Variants in JMJD1C observed in about 807,000 individuals in gnomAD.
The protein encoded by JMJD1C is jumonji domain containing 1C, also known as jumonji domain-containing protein 1C.
Under a neutral mutation model 245.3 loss-of-function variants are expected in JMJD1C, and 31 were observed. The observed-to-expected ratio is 0.13, with a 90% CI of 0.09 to 0.17. The LOEUF is 0.17. Ranked by LOEUF, JMJD1C falls within the 10% of genes least tolerant of loss-of-function variation. The pLI, the probability that JMJD1C is intolerant of heterozygous loss-of-function variation, is 1.00. For synonymous variants in JMJD1C, 1,057 were observed against 1,017.4 expected (o/e 1.04, Z -0.74); for missense variants, 2,691 against 3,000.2 (o/e 0.90, Z 2.41).
intron 3 of JMJD1C, among the ~76,000 whole-genome samples, chr10:63,233,256 T>G (rs748317734): frequency 1.3e-5 from 2 of 152,192 alleles, no homozygotes; most frequent in African/African-American, 4.8e-5. Flanking sequence ...TATGCTCAAC[T>G]GAGCACCACT....
Position 63,315,382 on chromosome 10 carries a change from T to C in JMJD1C, c.334-50618A>G, listed in dbSNP as rs558418039. Among the ~76,000 whole-genome samples, 196 of 152,258 alleles carry C rather than the reference T, an allele frequency of 1.3e-3. 1 individual carries two copies. Among genetic ancestry groups the C allele is most frequent in the Non-Finnish European group, 2.2e-3 (148 of 68,002 alleles). On this transcript the variant is annotated intron_variant, in intron 2 of 25. Transcript: ENST00000399262. Reference sequence around the variant, plus strand: ...GAACATGCAGTATTTGGTTCTCTCTTTTTGTGTTAATTTGTTTAGGGTAAC... The same window carrying C: ...GAACATGCAGTATTTGGTTCTCTCTCTTTGTGTTAATTTGTTTAGGGTAAC...
chr10:63,289,177 A>C (rs1858347683), intron 2 of JMJD1C, among the ~76,000 whole-genome samples: 1 of 152,100 alleles, frequency 6.6e-6, no homozygotes, highest in African/African-American at 2.4e-5. Context: ...TCTACACAAC[A>C]CTAGTAAAGA....
intron 2 of JMJD1C, among the ~76,000 whole-genome samples, chr10:63,303,880 T>C (rs1260996604): frequency 6.6e-6 from 1 of 152,324 alleles, no homozygotes; most frequent in South Asian, 2.1e-4. Flanking sequence ...TTCTTGTTTA[T>C]CATTAATATT....
At chr10:63,493,193 C>T (rs1438166125) in intron 1 of JMJD1C, among the ~76,000 whole-genome samples, 1 of 141,296 alleles carries the variant, frequency 7.1e-6, no homozygotes, top group African/African-American at 2.6e-5. Flanking sequence ...TCTAAATCAA[C>T]ATATATGTAA....
chr10:63,296,040 T>G (rs1218651020), intron 2 of JMJD1C, among the ~76,000 whole-genome samples: 1 of 145,142 alleles, frequency 6.9e-6, no homozygotes, highest in Non-Finnish European at 1.5e-5. Flanking sequence ...AGATGGAGTT[T>G]CACTCTTGTT....
At chr10:63,176,845 T>C (rs889158295) in intron 23 of JMJD1C, 17 of 161,732 alleles carry the variant, frequency 1.1e-4, no homozygotes, top group African/African-American at 3.9e-4. Context: ...CATTCATATG[T>C]ATGGATTTCA....
chr10:63,214,381 A>T lies in JMJD1C; in HGVS notation c.1786T>A (p.Tyr596Asn), dbSNP rs1392310661. 5.0e-6 allele frequency: 8 copies of T among 1,613,878 alleles called. No homozygotes were observed. The highest frequency in any genetic ancestry group is 1.3e-5 in the African/African-American group (1 of 74,936). Residue 596 changes from tyrosine to asparagine, a missense_variant, in exon 8 of 26, where the codon TAT becomes AAT. Physicochemically the swap from Tyr to Asn is moderately radical, Grantham distance 143. Around this residue, in one of 9 missense-constraint regions of JMJD1C, gnomAD observed 1,562 missense variants for 1,490.7 expected, o/e 1.05. Transcript: ENST00000399262. ...NDHLNMEKEKYVSYISPLSAV... is the reference protein window; with the variant it reads ...NDHLNMEKEKNVSYISPLSAV... ...CTTAAAGGAGAAATGTAAGAGACAT[A>T]CTTCTCTTTTTCCATGTTCAAGTGA...
chr10:63,228,097 T>A (rs1451691436), intron 3 of JMJD1C, among the ~76,000 whole-genome samples: 2 of 152,160 alleles, frequency 1.3e-5, no homozygotes, highest in African/African-American at 4.8e-5. Flanking sequence ...TGAATTATAA[T>A]AAGGGCTAGC....
At chr10:63,412,736 G>C (rs1949561193) in intron 1 of JMJD1C, among the ~76,000 whole-genome samples, 1 of 152,010 alleles carries the variant, frequency 6.6e-6, no homozygotes, top group Non-Finnish European at 1.5e-5. Context: ...TTTTATGGTA[G>C]CAAATGATAA....
intron 1 of JMJD1C, among the ~76,000 whole-genome samples, chr10:63,447,557 C>A (rs557977093): frequency 1.3e-5 from 2 of 152,158 alleles, no homozygotes; most frequent in Non-Finnish European, 2.9e-5. Flanking sequence ...TCCTTCACAT[C>A]TGCTGGGTAC....
chr10:63,284,853 AG>A (rs1419823061), intron 2 of JMJD1C, among the ~76,000 whole-genome samples: 13 of 126,284 alleles, frequency 1.0e-4, no homozygotes, highest in African/African-American at 3.0e-4. Context: ...CTGGCAGGGA[AG>A]ATTCACACAC....
intron 1 of JMJD1C, among the ~76,000 whole-genome samples, chr10:63,491,290 T>G (rs1209826442): frequency 2.0e-5 from 3 of 152,216 alleles, no homozygotes; most frequent in African/African-American, 7.2e-5. Context: ...CTACTGACTC[T>G]TTTCTCCTTG....
At chr10:63,424,838 G>C (rs920529541) in intron 1 of JMJD1C, among the ~76,000 whole-genome samples, 5 of 152,080 alleles carry the variant, frequency 3.3e-5, no homozygotes, top group African/African-American at 1.2e-4. Flanking sequence ...TGATACATTT[G>C]GGGTATTATA....
At chr10:63,314,479 G>C in intron 2 of JMJD1C, among the ~76,000 whole-genome samples, 1 of 152,312 alleles carries the variant, frequency 6.6e-6, no homozygotes, top group East Asian at 1.9e-4. Context: ...AGAATCACCT[G>C]AGCAAGGGAA....
chr10:63,193,020 G>A lies in JMJD1C; in HGVS notation c.5994C>T (p.Asn1998=). Residue 1998 remains asparagine, a synonymous_variant, in exon 16 of 26, where the codon AAC becomes AAT. Transcript: ENST00000399262. ...ACTGGGATTCTGGAGGAGTTAACTT[G>A]TTATCTGTGCCTACATCACTCTCTG... ...SSPESDVGTD[N]KLTPPESQSP... 6.2e-7 allele frequency: 1 copy of A among 1,613,968 alleles called. No homozygotes were observed. Among genetic ancestry groups the A allele is most frequent in the East Asian group, 2.2e-5 (1 of 44,868 alleles).
At chr10:63,181,507 T>C (rs1843476174) in intron 22 of JMJD1C, among the ~76,000 whole-genome samples, 1 of 152,174 alleles carries the variant, frequency 6.6e-6, no homozygotes, top group Admixed American at 6.5e-5. Context: ...AAAAAAATCA[T>C]GATCTTTTAA....
At chr10:63,250,833 T>G (rs1852958339) in intron 3 of JMJD1C, among the ~76,000 whole-genome samples, 1 of 152,184 alleles carries the variant, frequency 6.6e-6, no homozygotes, top group African/African-American at 2.4e-5. Flanking sequence ...CTCGATCTCC[T>G]GGGCTCAAGC....
chr10:63,229,209 AAAGC>A (rs1465020522), intron 3 of JMJD1C, among the ~76,000 whole-genome samples: 2 of 152,202 alleles, frequency 1.3e-5, no homozygotes, highest in Non-Finnish European at 2.9e-5. Flanking sequence ...CACATAATTA[AAAGC>A]AAGGGGTAAT....
chr10:63,204,099 C>G, intron 10 of JMJD1C: 1 of 919,012 alleles, frequency 1.1e-6, no homozygotes, highest in Non-Finnish European at 1.3e-6. Flanking sequence ...GCACTCCAGT[C>G]TGGGCAATGT....
Sources: allele counts gnomAD v4.1 joint callset (sites outside exome capture counted in the v4.1 genomes callset), GRCh38; gene constraint gnomAD v4.1.1; regional missense constraint gnomAD v4.1.1; transcripts MANE v1.5; gene names NCBI Gene and HGNC (gene_info 2026-07-23, HGNC 2026-07-21).